Variants in RTL4 observed in about 807,000 individuals in gnomAD.
RTL4 encodes the protein retrotransposon Gag-like protein 4.
Under a neutral mutation model 5.3 loss-of-function variants are expected in RTL4, and 4 were observed. The ratio of observed to expected loss-of-function variants is 0.75; its 90% CI spans 0.37 to 1.72. The LOEUF (loss-of-function observed/expected upper bound fraction) is 1.72. RTL4 is among the 40% of genes most tolerant of loss of function. The pLI is 0.04. For missense variants in RTL4, 260 were observed against 227.1 expected (o/e 1.14, Z -0.93); for synonymous variants, 98 against 87.3 (o/e 1.12, Z -0.68).
At chrX:112,374,173 T>G in the RTL4 span, among the ~76,000 whole-genome samples, 2 of 111,483 alleles carry the variant, frequency 1.8e-5, no homozygotes, top group South Asian at 7.5e-4. Flanking sequence ...TAGATCAAAA[T>G]ATATCTAGAA....
the RTL4 span, among the ~76,000 whole-genome samples, chrX:112,251,271 T>C: frequency 8.9e-6 from 1 of 112,535 alleles, no homozygotes. Context: ...GTGTTAGATT[T>C]TTGCTTCTTG....
chrX:112,283,016 G>A, the RTL4 span, among the ~76,000 whole-genome samples: 3 of 111,485 alleles, frequency 2.7e-5, no homozygotes, highest in South Asian at 3.7e-4. Context: ...GTTTGGAAAC[G>A]TAAGTACTTG....
chrX:112,275,186 CTTT>C, the RTL4 span, among the ~76,000 whole-genome samples: 2 of 96,949 alleles, frequency 2.1e-5, no homozygotes, highest in Non-Finnish European at 2.1e-5. Flanking sequence ...TTCTTTCTTG[CTTT>C]TTTTTTTTTT....
the RTL4 span, among the ~76,000 whole-genome samples, chrX:112,215,229 T>A: frequency 8.9e-6 from 1 of 112,014 alleles, no homozygotes; most frequent in African/African-American, 3.2e-5. Flanking sequence ...AATTGGGATA[T>A]CTATAACCTC....
chrX:112,161,844 C>CTTTCTTTCTTTCTTTCTTTCTTT, the RTL4 span, among the ~76,000 whole-genome samples: 12 of 40,063 alleles, frequency 3.0e-4, no homozygotes, highest in South Asian at 1.9e-3. Context: ...TTCCTTCCTT[C>CTTTCTTTCTTTCTTTCTTTCTTT]CTTTCTTTCT....
the RTL4 span, among the ~76,000 whole-genome samples, chrX:112,329,221 C>G: frequency 2.3e-4 from 26 of 111,018 alleles, no homozygotes; most frequent in African/African-American, 7.9e-4. Context: ...AATCCAGGAG[C>G]TGGTTTTTTG....
the RTL4 span, among the ~76,000 whole-genome samples, chrX:112,306,035 G>A: frequency 9.5e-4 from 106 of 111,095 alleles, no homozygotes; most frequent in Non-Finnish European, 1.8e-3. Context: ...GTGGCTTGAG[G>A]GTGAAATGAG....
At chrX:112,217,393 G>A in the RTL4 span, among the ~76,000 whole-genome samples, 1 of 111,916 alleles carries the variant, frequency 8.9e-6, no homozygotes, top group East Asian at 2.8e-4. Flanking sequence ...ATTGTCAACA[G>A]CACTAGCAAC....
chrX:112,208,165 A>G, the RTL4 span, among the ~76,000 whole-genome samples: 1 of 111,987 alleles, frequency 8.9e-6, no homozygotes, highest in Non-Finnish European at 1.9e-5. Flanking sequence ...TTAGCTGAAA[A>G]GGAGTTCAGT....
At chrX:112,233,874 G>A in the RTL4 span, among the ~76,000 whole-genome samples, 2 of 111,726 alleles carry the variant, frequency 1.8e-5, no homozygotes, top group Admixed American at 9.6e-5. Context: ...TTGGCAAAGT[G>A]ACATGGATGC....
chrX:112,297,469 A>T, the RTL4 span, among the ~76,000 whole-genome samples: 4 of 110,816 alleles, frequency 3.6e-5, no homozygotes, highest in Non-Finnish European at 5.7e-5. Context: ...GGTGCTACAC[A>T]CTTTTAAACA....
At chrX:112,278,247 C>T in the RTL4 span, among the ~76,000 whole-genome samples, 1 of 112,314 alleles carries the variant, frequency 8.9e-6, no homozygotes, top group Non-Finnish European at 1.9e-5. Context: ...TGTTCAGCTT[C>T]TCAAAATATT....
the RTL4 span, among the ~76,000 whole-genome samples, chrX:112,229,909 C>T: frequency 3.3e-3 from 367 of 111,808 alleles, 1 homozygote; most frequent in African/African-American, 0.011. Flanking sequence ...CAGAGGAGTA[C>T]CCGGCCGTGT....
the RTL4 span, among the ~76,000 whole-genome samples, chrX:112,367,326 A>T: frequency 3.6e-5 from 4 of 111,586 alleles, no homozygotes; most frequent in Non-Finnish European, 3.8e-5. Flanking sequence ...ACTAAAAAGA[A>T]CCAAGAAAAG....
chrX:112,101,137 G>A, the RTL4 span, among the ~76,000 whole-genome samples: 199 of 111,580 alleles, frequency 1.8e-3, no homozygotes, highest in Middle Eastern at 4.6e-3. Context: ...GACCACAAAG[G>A]AAACAATATA....
chrX:112,160,161 A>G, the RTL4 span, among the ~76,000 whole-genome samples: 132 of 112,383 alleles, frequency 1.2e-3, no homozygotes, highest in Non-Finnish European at 1.5e-3. Context: ...GCCTATCAGT[A>G]TGAGTTAACC....
chrX:112,273,372 GCC>G, the RTL4 span, among the ~76,000 whole-genome samples: 2 of 109,370 alleles, frequency 1.8e-5, no homozygotes, highest in Non-Finnish European at 3.8e-5. Context: ...TCCTGCCTCA[GCC>G]TCCCGAGTAG....
chrX:112,124,772 T>C, the RTL4 span, among the ~76,000 whole-genome samples: 5 of 110,844 alleles, frequency 4.5e-5, no homozygotes, highest in Non-Finnish European at 1.9e-5. Context: ...AACCTGCACG[T>C]TCTGCGCACG....
At chrX:112,416,235 A>T in the RTL4 span, among the ~76,000 whole-genome samples, 2 of 111,669 alleles carry the variant, frequency 1.8e-5, no homozygotes, top group Non-Finnish European at 3.8e-5. Context: ...ACCCTACTCC[A>T]GTATGATCTC....
Sources: allele counts gnomAD v4.1 joint callset (sites outside exome capture counted in the v4.1 genomes callset), GRCh38; gene constraint gnomAD v4.1.1; transcripts MANE v1.5; gene names NCBI Gene and HGNC (gene_info 2026-07-23, HGNC 2026-07-21).